The following ENTPD5 variants were observed in gnomAD, a reference collection of about 807,000 sequenced individuals.
The protein encoded by ENTPD5 is ectonucleoside triphosphate diphosphohydrolase 5 (inactive), also known as nucleoside diphosphate phosphatase ENTPD5.
In ENTPD5, 49 loss-of-function variants were observed where a neutral mutation model predicts 60.2. The observed-to-expected ratio is 0.81, with a 90% CI of 0.65 to 1.03. ENTPD5 has a LOEUF of 1.03. Ranked by LOEUF, ENTPD5 falls within the 50% of genes least tolerant of loss-of-function variation. The probability of loss-of-function intolerance (pLI) is 0.00; values close to 1 mark genes in which losing one functional copy is unlikely to be tolerated. For missense variants in ENTPD5, 480 were observed against 507.6 expected, an observed-to-expected ratio of 0.95 and a Z score of 0.52; for synonymous variants, 187 against 185.4, an observed-to-expected ratio of 1.01 and a Z score of -0.07.
intron 7 of ENTPD5, 62 bp downstream of exon 7, chr14:73,977,237 A>C: frequency 7.2e-7 from 1 of 1,394,876 alleles, no homozygotes; most frequent in Non-Finnish European, 1.0e-6. Flanking sequence ...CAGTTCCTTT[A>C]GTTAGATCTT....
intron 3 of ENTPD5, among the ~76,000 whole-genome samples, chr14:74,006,124 G>A (rs1412722039): frequency 6.6e-6 from 1 of 151,914 alleles, no homozygotes; most frequent in African/African-American, 2.4e-5. Context: ...AAGTAGCTGG[G>A]ATTACAGGCA....
chr14:73,989,246 T>C (rs895902995), intron 3 of ENTPD5, among the ~76,000 whole-genome samples: 1 of 151,944 alleles, frequency 6.6e-6, no homozygotes, highest in Non-Finnish European at 1.5e-5. Context: ...TTTGGCAACA[T>C]AGCGAGAGCC....
In ENTPD5 at chr14:73,966,988, C is replaced by CT. The variant is rs2057000489; in HGVS notation, c.1226dup (p.Thr410AspfsTer68). 1 of 1,614,172 alleles carries CT rather than the reference C, an allele frequency of 6.2e-7. No individual in the cohort carries two copies. The highest frequency in any genetic ancestry group is 1.3e-5 in the African/African-American group (1 of 75,058). ...AGGTGGCCCCCAAGGCCCAGCCCGT[C>CT]TCTATGTTGTTCACTTTCTTTGTGA... On this transcript the variant is annotated frameshift_variant, in exon 16 of 16. Transcript: ENST00000334696. LOFTEE classifies it high-confidence loss of function.
At chr14:73,958,988 C>T (rs533915135), downstream of ENTPD5, 2 of 1,614,036 alleles carry the variant, frequency 1.2e-6, no homozygotes, top group South Asian at 2.2e-5. Flanking sequence ...CAGATGGTCA[C>T]AACTCCGGAG....
At chr14:74,002,658 G>A (rs957285408) in intron 3 of ENTPD5, among the ~76,000 whole-genome samples, 2 of 151,966 alleles carry the variant, frequency 1.3e-5, no homozygotes, top group African/African-American at 2.4e-5. Context: ...TACCACCTTC[G>A]CCCAAGCCAC....
At chr14:73,988,214 T>A in intron 3 of ENTPD5, 42 bp from the exon 4 acceptor site, 1 of 1,456,438 alleles carries the variant, frequency 6.9e-7, no homozygotes. Context: ...ACTAGCTTTT[T>A]TAGTTACACC....
chr14:74,010,619 T>C (rs538765554), intron 3 of ENTPD5, among the ~76,000 whole-genome samples: 1 of 152,262 alleles, frequency 6.6e-6, no homozygotes, highest in African/African-American at 2.4e-5. Flanking sequence ...AAAACCACTT[T>C]TATTTATAGT....
downstream of ENTPD5, chr14:73,958,195 C>G: frequency 1.2e-6 from 2 of 1,614,114 alleles, no homozygotes; most frequent in East Asian, 4.5e-5. Context: ...TATACCTGGC[C>G]TTGTCCATTT....
chr14:73,986,619 T>C (rs527665435), intron 5 of ENTPD5, 195 bp downstream of exon 5: 31 of 571,268 alleles, frequency 5.4e-5, no homozygotes, highest in Admixed American at 9.2e-5. Flanking sequence ...ACCAATTTTC[T>C]AGCCTTCTTC....
intron 2 of ENTPD5, among the ~76,000 whole-genome samples, chr14:74,013,109 T>C (rs965265537): frequency 6.6e-6 from 1 of 152,222 alleles, no homozygotes; most frequent in Admixed American, 6.5e-5. Context: ...ATTGCCAGTA[T>C]TTCTGAATCA....
At chr14:74,003,236 G>A (rs1441656828) in intron 3 of ENTPD5, among the ~76,000 whole-genome samples, 1 of 152,120 alleles carries the variant, frequency 6.6e-6, no homozygotes, top group Admixed American at 6.6e-5. Context: ...GTGTTCCTCT[G>A]ATAGAATATA....
At chr14:73,977,134 T>C in intron 7 of ENTPD5, 75 bp from the exon 8 acceptor site, 1 of 1,455,074 alleles carries the variant, frequency 6.9e-7, no homozygotes, top group Admixed American at 1.9e-5. Context: ...TGTTTTTTTT[T>C]TTTCCTCTCT....
At chr14:73,997,646 T>A (rs1218652564) in intron 3 of ENTPD5, among the ~76,000 whole-genome samples, 1 of 152,178 alleles carries the variant, frequency 6.6e-6, no homozygotes, top group Non-Finnish European at 1.5e-5. Flanking sequence ...GTAGGTCTAA[T>A]AAGCTAAGTT....
downstream of ENTPD5, chr14:73,956,119 T>A: frequency 1.6e-6 from 1 of 618,470 alleles, no homozygotes; most frequent in Non-Finnish European, 2.9e-6. Flanking sequence ...GGTCAGGAGA[T>A]GGAGACCATC....
chr14:73,992,984 T>C (rs542785178), intron 3 of ENTPD5, among the ~76,000 whole-genome samples: 3 of 152,078 alleles, frequency 2.0e-5, no homozygotes, highest in East Asian at 1.9e-4. Flanking sequence ...GCATGAGAGA[T>C]AGAGTGAGAT....
At chr14:73,971,985 A>C (rs878887405) in intron 13 of ENTPD5, 77 bp from the exon 14 acceptor site, 11 of 867,402 alleles carry the variant, frequency 1.3e-5, no homozygotes, top group Non-Finnish European at 2.2e-5. Flanking sequence ...TTCATTCATT[A>C]TATACACATG....
rs1222222696 is a variant in ENTPD5 at position 73,977,189 on chromosome 14, T to C, written c.517+110A>G. The C allele has an allele frequency of 8.9e-6, 11 of 1,233,452 alleles. No homozygotes were observed. In the Admixed American group the frequency reaches 1.1e-4, roughly 13 times the overall value. 76.4% of individuals were successfully genotyped at this position (1,233,452 alleles called of 1,614,324 possible). Reference sequence around the variant, plus strand: ...CATGTTCCCTTCTCCCTGTCTTCTATTTCCTGCTATCTCATTCCTTCTGTT... The same window carrying C: ...CATGTTCCCTTCTCCCTGTCTTCTACTTCCTGCTATCTCATTCCTTCTGTT... On this transcript the variant is annotated intron_variant, in intron 7 of 15. Transcript: ENST00000334696.
intron 8 of ENTPD5, 58 bp from the exon 9 acceptor site, chr14:73,976,470 T>A: frequency 1.5e-6 from 2 of 1,327,592 alleles, no homozygotes; most frequent in South Asian, 1.2e-5. Context: ...CCAACACTTG[T>A]CTCTCTTGCT....
chr14:74,001,887 AT>A lies in ENTPD5; in HGVS notation c.-71+9203del, dbSNP rs200399597. Among the ~76,000 whole-genome samples the A allele has an allele frequency of 7.3e-3, 1,107 of 152,130 alleles. 16 individuals are homozygous for A. The highest frequency in any genetic ancestry group is 0.025 in the African/African-American group (1,055 of 41,466). ...TAATTAAAAGCCAATGTCCTCAAGA[AT>A]TTTTTATATGAATTTGAGAAACAAA... On this transcript the variant is annotated intron_variant, in intron 3 of 15. Coordinates refer to ENST00000334696, the MANE Select transcript of ENTPD5 (RefSeq NM_001249.5).
Sources: gnomAD v4.1 joint callset for allele counts (sites outside exome capture counted in the v4.1 genomes callset) on GRCh38, gnomAD v4.1.1 for gene constraint, MANE v1.5 for transcripts, NCBI Gene and HGNC (gene_info 2026-07-23, HGNC 2026-07-21) for gene names.